The following KLHDC4 variants were observed in gnomAD, a reference collection of about 807,000 sequenced individuals.
KLHDC4 encodes the protein kelch domain-containing protein 4.
A neutral mutation model predicts 62.4 loss-of-function variants in KLHDC4; 90 were observed. That is an observed-to-expected ratio of 1.44 (90% confidence interval 1.22 to 1.72). KLHDC4 has a LOEUF of 1.72. Ranked by LOEUF, KLHDC4 falls within the 40% of genes most tolerant of loss-of-function variation. The pLI, the probability that KLHDC4 is intolerant of heterozygous loss-of-function variation, is 0.00. For missense variants in KLHDC4, 1,025 were observed against 699.7 expected, an observed-to-expected ratio of 1.47 and a Z score of -5.25; for synonymous variants, 386 against 284.4, an observed-to-expected ratio of 1.36 and a Z score of -3.59.
intron 4 of KLHDC4, among the ~76,000 whole-genome samples, chr16:87,753,426 G>C (rs572419623): frequency 1.4e-5 from 2 of 140,038 alleles, no homozygotes; most frequent in African/African-American, 5.3e-5. Context: ...GCCCTAGAGA[G>C]AGCGTCAAAG....
At chr16:87,714,384 C>A in intron 8 of KLHDC4, 114 bp downstream of exon 8, 1 of 1,416,126 alleles carries the variant, frequency 7.1e-7, no homozygotes, top group Non-Finnish European at 9.2e-7. Context: ...GCCCTCCGCT[C>A]CGGGCAGGGT....
chr16:87,753,810 A>G (rs865959805), intron 4 of KLHDC4, among the ~76,000 whole-genome samples: 2,913 of 136,660 alleles, frequency 0.021, 98 homozygotes, highest in African/African-American at 0.068. Flanking sequence ...TCAAGGAGAA[A>G]AAAAAAAAAA....
intron 4 of KLHDC4, among the ~76,000 whole-genome samples, chr16:87,754,889 C>A (rs536765963): frequency 6.6e-6 from 1 of 152,182 alleles, no homozygotes; most frequent in Non-Finnish European, 1.5e-5. Context: ...ACCATCTAGT[C>A]CAGACCGTGG....
intron 7 of KLHDC4, among the ~76,000 whole-genome samples, chr16:87,725,386 C>T (rs2039173379): frequency 6.6e-6 from 1 of 152,108 alleles, no homozygotes; most frequent in South Asian, 2.1e-4. Flanking sequence ...AGGATGGTCT[C>T]GATCTCTTGA....
At chr16:87,730,519 G>A (rs899825893) in intron 6 of KLHDC4, 33 bp downstream of exon 6, 2 of 1,554,036 alleles carry the variant, frequency 1.3e-6, no homozygotes, top group Admixed American at 3.7e-5. Context: ...TAATGCTTCA[G>A]GAGAGAAAGA....
At chr16:87,718,051 G>T (rs541142136) in intron 7 of KLHDC4, among the ~76,000 whole-genome samples, 1 of 152,228 alleles carries the variant, frequency 6.6e-6, no homozygotes, top group East Asian at 1.9e-4. Flanking sequence ...CCCTCTAACA[G>T]GGCCCATGGT....
chr16:87,706,712 C>T (rs1354570313), downstream of KLHDC4, among the ~76,000 whole-genome samples: 3 of 152,232 alleles, frequency 2.0e-5, no homozygotes, highest in East Asian at 5.8e-4. Flanking sequence ...TCCTGAACAC[C>T]CGGCTGCACC....
At chr16:87,753,037 CT>C (rs1018847770) in intron 4 of KLHDC4, among the ~76,000 whole-genome samples, 24 of 152,226 alleles carry the variant, frequency 1.6e-4, no homozygotes, top group Admixed American at 1.3e-3. Flanking sequence ...AGCTCCTTCC[CT>C]GGAGCAGGGA....
chr16:87,765,532 C>G (rs922680122), intron 1 of KLHDC4, among the ~76,000 whole-genome samples: 3 of 152,028 alleles, frequency 2.0e-5, no homozygotes, highest in Non-Finnish European at 4.4e-5. Flanking sequence ...GAAAAACGCC[C>G]GTGACACCAC....
Position 87,719,095 on chromosome 16 carries a change from T to A in KLHDC4, c.760-4522A>T, listed in dbSNP as rs573504013. ...CCAGCCGCCCCGTCTGGGAGGGAGGTGGTGGATGCCTCTGCCCGGCTGCCC... is the reference window on the plus strand; with the variant it reads ...CCAGCCGCCCCGTCTGGGAGGGAGGAGGTGGATGCCTCTGCCCGGCTGCCC... On this transcript the variant is annotated intron_variant, in intron 7 of 11. Coordinates refer to ENST00000270583, the MANE Select transcript of KLHDC4 (RefSeq NM_017566.4). 9.3e-5 allele frequency among the ~76,000 whole-genome samples: 14 copies of A among 150,290 alleles called. No homozygotes were observed. In the East Asian group the frequency reaches 2.2e-3, roughly 23 times the overall value.
chr16:87,726,135 G>C (rs925338765), intron 7 of KLHDC4, among the ~76,000 whole-genome samples: 1 of 152,024 alleles, frequency 6.6e-6, no homozygotes, highest in Non-Finnish European at 1.5e-5. Context: ...CAATGTTCAT[G>C]AAACTGAAGA....
chr16:87,765,832 T>C lies in KLHDC4; in HGVS notation c.59A>G (p.Lys20Arg), dbSNP rs1567858309. ...GCGCTTAGACACCTTCTTCTCCATC[T>C]TGGCGGCCGTCTTCTCCGCGCCGCG... ...KGRGAEKTAA[K>R]MEKKVSKRSR... Residue 20 changes from lysine (K) to arginine (R), a missense_variant, in exon 1 of 12, where the codon AAG (lysine) becomes AGG (arginine). Physicochemically the swap from Lys to Arg is conservative, Grantham distance 26. Coordinates refer to ENST00000270583, the MANE Select transcript of KLHDC4 (RefSeq NM_017566.4). 6.4e-7 allele frequency: 1 copy of C among 1,561,076 alleles called. No homozygotes were observed. Among genetic ancestry groups the C allele is most frequent in the Admixed American group, 1.9e-5 (1 of 51,694 alleles).
intron 2 of KLHDC4, 26 bp from the exon 3 acceptor site, chr16:87,756,503 A>C: frequency 1.9e-6 from 3 of 1,580,434 alleles, no homozygotes; most frequent in Non-Finnish European, 2.6e-6. Flanking sequence ...GCGGCAGGTC[A>C]GCAAGATCAC....
intron 1 of KLHDC4, among the ~76,000 whole-genome samples, chr16:87,762,963 C>G (rs899235535): frequency 1.3e-5 from 2 of 152,196 alleles, no homozygotes; most frequent in South Asian, 4.1e-4. Context: ...AGCGTCCTCT[C>G]CGTTCCTTCA....
At chr16:87,716,931 C>G (rs8053132) in intron 7 of KLHDC4, among the ~76,000 whole-genome samples, 8,900 of 146,886 alleles carry the variant, frequency 0.061, 868 homozygotes, top group African/African-American at 0.21. Context: ...GACTCCGTCT[C>G]AAAAAAAAGA....
intron 8 of KLHDC4, among the ~76,000 whole-genome samples, chr16:87,713,507 T>C (rs1459961343): frequency 6.6e-6 from 1 of 152,122 alleles, no homozygotes; most frequent in Admixed American, 6.5e-5. Flanking sequence ...CAGTAACAAA[T>C]GCAATTTTTT....
chr16:87,706,951 G>A (rs953503837), downstream of KLHDC4, among the ~76,000 whole-genome samples: 2 of 152,178 alleles, frequency 1.3e-5, no homozygotes, highest in Non-Finnish European at 2.9e-5. Context: ...GCCCAGCACC[G>A]GCTCCGCCAG....
intron 5 of KLHDC4, 96 bp from the exon 6 acceptor site, chr16:87,730,740 T>C: frequency 9.4e-7 from 1 of 1,059,028 alleles, no homozygotes; most frequent in East Asian, 2.4e-5. Context: ...TTTACACTGA[T>C]TTCTGTTTTG....
intron 7 of KLHDC4, among the ~76,000 whole-genome samples, chr16:87,717,541 G>A (rs1278607820): frequency 3.9e-5 from 6 of 152,204 alleles, no homozygotes; most frequent in African/African-American, 1.4e-4. Context: ...CTGAGTCTGG[G>A]TCTCTTTTGT....
Sources: allele counts gnomAD v4.1 joint callset (sites outside exome capture counted in the v4.1 genomes callset), GRCh38; gene constraint gnomAD v4.1.1; transcripts MANE v1.5; gene names NCBI Gene and HGNC (gene_info 2026-07-23, HGNC 2026-07-21).